The following UBP1 variants were observed in gnomAD, a reference collection of about 807,000 sequenced individuals.
UBP1 encodes the protein upstream-binding protein 1.
A neutral mutation model predicts 76.1 loss-of-function variants in UBP1; 22 were observed. The ratio of observed to expected loss-of-function variants is 0.29; its 90% CI spans 0.21 to 0.41. The LOEUF is 0.41. Ranked by LOEUF, UBP1 falls within the 10% of genes least tolerant of loss-of-function variation. The pLI is 1.00. For missense variants in UBP1, 436 were observed against 668.1 expected (o/e 0.65, Z 3.83); for synonymous variants, 224 against 237.1 (o/e 0.94, Z 0.51).
At position 33,439,990 on chromosome 3, in the gene UBP1, G is replaced by C. The variant is rs375776721; in HGVS notation, c.-142C>G. 2 of 813,594 alleles carry C rather than the reference G, an allele frequency of 2.5e-6. No individual in the cohort carries two copies. The highest frequency in any genetic ancestry group is 3.3e-5 in the East Asian group (1 of 30,686). The allele number at this position is 813,594 out of a possible 1,614,324, so 50.4% of individuals were successfully genotyped here. On this transcript the variant is annotated 5_prime_UTR_variant, in exon 1 of 16. Coordinates refer to ENST00000283629, the MANE Select transcript of UBP1 (RefSeq NM_014517.5). ...AGTGGTCACCAGCGGCGGCCGGGAC[G>C]AGAGCTGCGGGGGCCCCACTGGCAG...
chr3:33,405,568 A>G (rs1433774711), intron 8 of UBP1, among the ~76,000 whole-genome samples: 2 of 152,138 alleles, frequency 1.3e-5, no homozygotes, highest in African/African-American at 2.4e-5. Flanking sequence ...GCTCATGCCT[A>G]TAATCCCAGC....
chr3:33,435,746 G>T (rs570247684), intron 1 of UBP1, among the ~76,000 whole-genome samples: 2 of 152,322 alleles, frequency 1.3e-5, no homozygotes, highest in South Asian at 4.1e-4. Context: ...AAACCACTTG[G>T]CAACACAGTA....
intron 8 of UBP1, among the ~76,000 whole-genome samples, chr3:33,406,508 G>A (rs1235169666): frequency 2.0e-5 from 3 of 152,090 alleles, no homozygotes; most frequent in African/African-American, 7.2e-5. Flanking sequence ...AAAGTATCAA[G>A]TCTCTCTAAA....
intron 8 of UBP1, among the ~76,000 whole-genome samples, chr3:33,405,516 A>G (rs553695560): frequency 6.6e-6 from 1 of 152,358 alleles, no homozygotes; most frequent in East Asian, 1.9e-4. Context: ...GAAAGGTGCA[A>G]GTATATCCTT....
intron 1 of UBP1, among the ~76,000 whole-genome samples, chr3:33,435,228 C>G (rs951544212): frequency 6.6e-6 from 1 of 151,980 alleles, no homozygotes; most frequent in Non-Finnish European, 1.5e-5. Context: ...GTTGTTAAAC[C>G]TTGAAATTAG....
At chr3:33,407,745 T>C (rs1297920911) in intron 8 of UBP1, among the ~76,000 whole-genome samples, 1 of 152,218 alleles carries the variant, frequency 6.6e-6, no homozygotes, top group East Asian at 1.9e-4. Flanking sequence ...GCAATTGCGA[T>C]ATGTGTAAGA....
At chr3:33,425,298 T>C (rs961070749) in intron 2 of UBP1, among the ~76,000 whole-genome samples, 2 of 152,180 alleles carry the variant, frequency 1.3e-5, no homozygotes, top group African/African-American at 4.8e-5. Context: ...CATATTGAAA[T>C]CACTGTCCCT....
intron 10 of UBP1, 89 bp from the exon 11 acceptor site, chr3:33,400,371 T>A: frequency 2.0e-6 from 2 of 994,590 alleles, no homozygotes; most frequent in South Asian, 3.4e-5. Flanking sequence ...GAGTCTGAAG[T>A]AAAAAACACC....
chr3:33,425,469 TA>T, intron 2 of UBP1, 120 bp downstream of exon 2: 2 of 1,102,812 alleles, frequency 1.8e-6, no homozygotes, highest in Non-Finnish European at 2.4e-6. Context: ...CATTAAGTTG[TA>T]AAATTTAAGA....
rs76142927 is a variant in UBP1 at position 33,394,817 on chromosome 3, G to GTTTT, written c.1390+1341_1390+1344dup. Among the ~76,000 whole-genome samples the GTTTT allele has an allele frequency of 3.9e-3, 429 of 110,404 alleles. 2 individuals carry two copies. The highest frequency in any genetic ancestry group is 0.029 in the Middle Eastern group (6 of 210). 72.4% of individuals were successfully genotyped at this position (110,404 alleles called of 152,430 possible). ...ATGGGCCAATTCCTGCCCTCCACTT[G>GTTTT]TTTTTTTTTTTTTTTTTTTTAAATA... On this transcript the variant is annotated intron_variant, in intron 13 of 15. Coordinates refer to ENST00000283629, the MANE Select transcript of UBP1 (RefSeq NM_014517.5).
chr3:33,413,709 A>C (rs1480175614), intron 3 of UBP1, among the ~76,000 whole-genome samples: 2 of 152,012 alleles, frequency 1.3e-5, no homozygotes, highest in African/African-American at 4.8e-5. Context: ...TTTTTCTTTG[A>C]GATAAAGAGT....
At chr3:33,394,601 C>T (rs1193399943) in intron 13 of UBP1, among the ~76,000 whole-genome samples, 1 of 152,138 alleles carries the variant, frequency 6.6e-6, no homozygotes, top group Non-Finnish European at 1.5e-5. Flanking sequence ...CACTCTTGTA[C>T]GTCCTGCTCA....
chr3:33,400,223 G>T lies in UBP1; in HGVS notation c.1146C>A (p.Phe382Leu), dbSNP rs904275370. Residue 382 changes from phenylalanine (F) to leucine (L), a missense_variant, in exon 11 of 16, where the codon TTC becomes TTA. Coordinates refer to ENST00000283629, the MANE Select transcript of UBP1 (RefSeq NM_014517.5). Reference protein sequence around the residue: ...ETQQWLLKNRFSSYTRLFSNF... With the variant: ...ETQQWLLKNRLSSYTRLFSNF... ...TAGAGAACAGTCTTGTGTAGGAAGAGAATCTGTTTTTGAGCAGCCATTGCT... is the reference window on the plus strand; with the variant it reads ...TAGAGAACAGTCTTGTGTAGGAAGATAATCTGTTTTTGAGCAGCCATTGCT... The T allele has an allele frequency of 3.1e-6, 5 of 1,603,500 alleles. No homozygotes were observed. In the African/African-American group the frequency reaches 5.4e-5, roughly 17 times the overall value.
intron 13 of UBP1, among the ~76,000 whole-genome samples, chr3:33,395,680 T>G (rs1261466511): frequency 7.0e-6 from 1 of 143,840 alleles, no homozygotes; most frequent in Non-Finnish European, 1.5e-5. Context: ...CACTTAGGAC[T>G]ATTACATGCA....
At position 33,393,463 on chromosome 3, in the gene UBP1, A is replaced by T. The variant is rs76027504; in HGVS notation, c.1391-9T>A. ...GTAGATTGCATGATAAACTGAAATT[A>T]AAAAAAAAAAAAGAAAAGCATTTTA... On this transcript the variant is annotated splice_polypyrimidine_tract_variant and intron_variant, in intron 13 of 15. Transcript: ENST00000283629. The T allele has an allele frequency of 2.1e-5, 6 of 282,820 alleles. No individual in the cohort carries two copies. In the East Asian group the frequency reaches 3.5e-4, roughly 17 times the overall value. The allele number at this position is 282,820 out of a possible 1,614,324, so 17.5% of individuals were successfully genotyped here. A position where few individuals can be genotyped will look rare whatever the true frequency, so the allele number is the denominator to read the frequency against.
At chr3:33,398,868 ACC>A (rs2044113721) in intron 11 of UBP1, among the ~76,000 whole-genome samples, 2 of 152,280 alleles carry the variant, frequency 1.3e-5, no homozygotes, top group South Asian at 4.1e-4. Flanking sequence ...CAGCTCCCCG[ACC>A]CTGAAATTTT....
In UBP1 at chr3:33,440,232, C is replaced by G. The variant is rs1381625958; in HGVS notation, c.-384G>C. The G allele has an allele frequency of 6.4e-6, 1 of 155,932 alleles. No individual in the cohort carries two copies. The highest frequency in any genetic ancestry group is 1.4e-5 in the Non-Finnish European group (1 of 70,368). 9.7% of individuals were successfully genotyped at this position (155,932 alleles called of 1,614,324 possible). ...GCTGGACCTCGGGCCGCTCCGAGGA[C>G]CACACGGGGGCAAGCCCTCCGCCCG... On this transcript the variant is annotated 5_prime_UTR_variant, in exon 1 of 16. Coordinates refer to ENST00000283629, the MANE Select transcript of UBP1 (RefSeq NM_014517.5).
intron 15 of UBP1, chr3:33,391,549 T>C (rs1415218232): frequency 6.6e-6 from 1 of 152,188 alleles, no homozygotes; most frequent in Non-Finnish European, 1.5e-5. Context: ...CTACTTGACA[T>C]TTCTACATAT....
At chr3:33,439,644 C>G in intron 1 of UBP1, 92 bp downstream of exon 1, 1 of 1,429,918 alleles carries the variant, frequency 7.0e-7, no homozygotes, top group East Asian at 2.5e-5. Context: ...GCCCGCGCAC[C>G]TCTGGGAGCA....
Sources: allele counts gnomAD v4.1 joint callset (sites outside exome capture counted in the v4.1 genomes callset), GRCh38; gene constraint gnomAD v4.1.1; transcripts MANE v1.5; gene names NCBI Gene and HGNC (gene_info 2026-07-23, HGNC 2026-07-21).